PDE1A: variants seen among roughly 807,000 people sequenced by gnomAD.
The protein encoded by PDE1A is phosphodiesterase 1A.
PDE1A carries 35 observed loss-of-function variants against 61.7 expected under a neutral mutation model. The observed-to-expected ratio is 0.57, with a 90% confidence interval of 0.43 to 0.75. The LOEUF is 0.75. PDE1A is among the 30% of genes least tolerant of loss of function. The pLI is 0.00. For missense variants in PDE1A, 597 were observed against 630.6 expected (o/e 0.95, Z 0.57); for synonymous variants, 232 against 213.2 (o/e 1.09, Z -0.77).
intron 13 of PDE1A, among the ~76,000 whole-genome samples, chr2:182,183,955 C>A (rs1250546805): frequency 1.4e-5 from 2 of 138,794 alleles, no homozygotes; most frequent in African/African-American, 2.7e-5. Context: ...AGCAGCCAAT[C>A]AAAAATGAAT....
At chr2:182,329,258 T>C (rs965544953) in intron 1 of PDE1A, among the ~76,000 whole-genome samples, 4 of 152,218 alleles carry the variant, frequency 2.6e-5, no homozygotes, top group Non-Finnish European at 5.9e-5. Context: ...AGTTGTTCCT[T>C]GAATATGTCA....
the PDE1A span, among the ~76,000 whole-genome samples, chr2:182,562,120 T>A: frequency 1.3e-5 from 2 of 151,882 alleles, no homozygotes; most frequent in African/African-American, 4.8e-5. Flanking sequence ...AGAGAGGGCA[T>A]CCCTGTCTTG....
At chr2:182,630,286 G>A in the PDE1A span, among the ~76,000 whole-genome samples, 41 of 152,046 alleles carry the variant, frequency 2.7e-4, 2 homozygotes, top group African/African-American at 9.6e-4. Flanking sequence ...TCTATATTGT[G>A]TAAGTCAGTG....
chr2:182,230,981 T>C, intron 5 of PDE1A, 34 bp downstream of exon 5: 1 of 999,478 alleles, frequency 1.0e-6, no homozygotes, highest in East Asian at 2.4e-5. Flanking sequence ...TAACCAATTC[T>C]AAGAGCATTT....
At chr2:182,607,866 C>T in the PDE1A span, among the ~76,000 whole-genome samples, 1 of 152,170 alleles carries the variant, frequency 6.6e-6, no homozygotes, top group Non-Finnish European at 1.5e-5. Context: ...GGAGAAGGCA[C>T]ATTGGGACTT....
intron 1 of PDE1A, among the ~76,000 whole-genome samples, chr2:182,271,185 CAAA>C (rs11399196): frequency 1.8e-5 from 2 of 111,704 alleles, no homozygotes; most frequent in African/African-American, 3.4e-5. Context: ...CCTTTACCAC[CAAA>C]AAAAAAAAAA....
chr2:182,706,103 A>G, the PDE1A span, among the ~76,000 whole-genome samples: 1 of 152,238 alleles, frequency 6.6e-6, no homozygotes, highest in African/African-American at 2.4e-5. Flanking sequence ...CAGGTATAAC[A>G]AATCCAAAAG....
intron 1 of PDE1A, among the ~76,000 whole-genome samples, chr2:182,404,890 A>G (rs1702215427): frequency 6.6e-6 from 1 of 152,228 alleles, no homozygotes; most frequent in African/African-American, 2.4e-5. Flanking sequence ...ATATAAGTAG[A>G]AGGAATACTC....
chr2:182,317,724 G>GAAACA (rs1696433487), intron 1 of PDE1A, among the ~76,000 whole-genome samples: 1 of 152,084 alleles, frequency 6.6e-6, no homozygotes, highest in African/African-American at 2.4e-5. Context: ...CAGGGACCTA[G>GAAACA]GAACAATGGA....
the PDE1A span, among the ~76,000 whole-genome samples, chr2:182,681,771 G>A: frequency 1.6e-4 from 25 of 151,922 alleles, no homozygotes; most frequent in Admixed American, 1.3e-4. Context: ...TCAGCCTCCC[G>A]AGTAGCTGGG....
chr2:182,673,052 T>C, the PDE1A span, among the ~76,000 whole-genome samples: 1 of 152,164 alleles, frequency 6.6e-6, no homozygotes. Flanking sequence ...ATTTTTCCGG[T>C]GTAAAAGAAT....
intron 10 of PDE1A, among the ~76,000 whole-genome samples, chr2:182,198,304 C>T (rs1370996768): frequency 6.6e-6 from 1 of 151,076 alleles, no homozygotes; most frequent in Non-Finnish European, 1.5e-5. Context: ...TGCAGATGCT[C>T]ATGTTTCTGC....
intron 13 of PDE1A, among the ~76,000 whole-genome samples, chr2:182,173,992 G>A (rs1370552840): frequency 2.1e-5 from 2 of 96,556 alleles, no homozygotes; most frequent in Non-Finnish European, 2.2e-5. Flanking sequence ...ATGGAAGAGT[G>A]AGGCCCACTG....
chr2:182,319,278 G>C (rs941002391), intron 1 of PDE1A, among the ~76,000 whole-genome samples: 2 of 152,066 alleles, frequency 1.3e-5, no homozygotes, highest in Admixed American at 6.6e-5. Context: ...GGTCTTTATT[G>C]ATGTTATTAA....
chr2:182,319,012 C>G (rs1242131574), intron 1 of PDE1A, among the ~76,000 whole-genome samples: 1 of 152,140 alleles, frequency 6.6e-6, no homozygotes, highest in Admixed American at 6.6e-5. Context: ...TCATCACCCT[C>G]TCTCTCATTT....
Position 182,458,952 on chromosome 2 carries a change from A to G in PDE1A, c.101+63324T>C, listed in dbSNP as rs554561549. On this transcript the variant is annotated intron_variant, in intron 2 of 14. Transcript: ENST00000410103. The stretch of plus-strand genomic sequence containing the variant: ...ATCATATTCTAAAGATTACTCCTTA[A>G]GCTTATCAATATCTTCTCTTGTTCT... Among the ~76,000 whole-genome samples the G allele has an allele frequency of 4.6e-5, 7 of 152,238 alleles. No homozygotes were observed. In the South Asian group the frequency reaches 1.4e-3, roughly 32 times the overall value.
chr2:182,499,173 GTT>G (rs545033513), intron 2 of PDE1A, among the ~76,000 whole-genome samples: 873 of 77,202 alleles, frequency 0.011, 2 homozygotes, highest in African/African-American at 0.027. Context: ...TCTTTTTCTT[GTT>G]TTTTTTTTTT....
In PDE1A at chr2:182,387,208, G is replaced by T. The variant is rs534508406; in HGVS notation, c.53+39370C>A. On this transcript the variant is annotated intron_variant, in intron 1 of 13. Coordinates refer to ENST00000351439, the Ensembl canonical transcript of PDE1A. Reference sequence around the variant, plus strand: ...GCAAGATGTGCTTTGTTAAGCAGATGCTTGAAGGCAGCATACTCGTTAAGA... The same window carrying T: ...GCAAGATGTGCTTTGTTAAGCAGATTCTTGAAGGCAGCATACTCGTTAAGA... 9.3e-4 allele frequency among the ~76,000 whole-genome samples: 142 copies of T among 152,224 alleles called. No homozygotes were observed. The Middle Eastern group carries it at 0.017, about 18-fold the overall frequency.
At chr2:182,527,375 CACATATATATAT>C (rs1553638989), upstream of PDE1A, among the ~76,000 whole-genome samples, 2 of 61,964 alleles carry the variant, frequency 3.2e-5, no homozygotes, top group Non-Finnish European at 5.8e-5. Flanking sequence ...TATATATATA[CACATATATATAT>C]ACACACATAT....
Sources: gnomAD v4.1 joint callset for allele counts (sites outside exome capture counted in the v4.1 genomes callset) on GRCh38, gnomAD v4.1.1 for gene constraint, MANE v1.5 for transcripts, NCBI Gene and HGNC (gene_info 2026-07-23, HGNC 2026-07-21) for gene names.